HOMER2: variants seen among roughly 807,000 people sequenced by gnomAD.
The protein encoded by HOMER2 is homer protein homolog 2.
A neutral mutation model predicts 47.0 loss-of-function variants in HOMER2; 27 were observed. That is an observed-to-expected ratio of 0.57 (90% CI 0.42 to 0.79). HOMER2 has a LOEUF of 0.79. Among genes scored for constraint, HOMER2 ranks in the 30% least tolerant of loss-of-function variants. The pLI, the probability that HOMER2 is intolerant of heterozygous loss-of-function variation, is 0.00. For synonymous variants in HOMER2, 161 were observed against 163.8 expected (o/e 0.98, Z 0.13); for missense variants, 443 against 435.0 (o/e 1.02, Z -0.16).
upstream of HOMER2, among the ~76,000 whole-genome samples, chr15:82,956,745 G>C (rs1361004061): frequency 6.6e-6 from 1 of 152,216 alleles, no homozygotes; most frequent in African/African-American, 2.4e-5. Context: ...AATTACAGCT[G>C]TGCTATGAGT....
chr15:82,868,543 T>TATATATATATATA lies in HOMER2; in HGVS notation c.295-4285_295-4284insTATATATATATAT, dbSNP rs1567023464. On this transcript the variant is annotated intron_variant, in intron 3 of 8. Transcript: ENST00000450735. ...TTATTTTATATATATATATATATATTTTTTTTTTTTTTTTTCCCCTTTTGA... is the reference window on the plus strand; with the variant it reads ...TTATTTTATATATATATATATATATTATATATATATATATTTTTTTTTTTTTTTCCCCTTTTGA... Among the ~76,000 whole-genome samples the TATATATATATATA allele has an allele frequency of 9.6e-3, 353 of 36,730 alleles. 5 individuals carry two copies. The highest frequency in any genetic ancestry group is 0.035 in the East Asian group (54 of 1,546). 24.1% of individuals were successfully genotyped at this position (36,730 alleles called of 152,430 possible).
Position 82,893,754 on chromosome 15 carries a change from T to C in HOMER2, c.6-913A>G, listed in dbSNP as rs188895216. Among the ~76,000 whole-genome samples the C allele has an allele frequency of 2.8e-3, 419 of 151,910 alleles. 3 individuals are homozygous for C. The highest frequency in any genetic ancestry group is 9.6e-3 in the African/African-American group (397 of 41,420). On this transcript the variant is annotated intron_variant, in intron 1 of 8. Coordinates refer to ENST00000450735, the MANE Select transcript of HOMER2 (RefSeq NM_004839.4). Reference sequence around the variant, plus strand: ...ATTCTGCCTCAGCCTCCCAAGTAGCTAGGACTACAGGCACGTGACACCACA... The same window carrying C: ...ATTCTGCCTCAGCCTCCCAAGTAGCCAGGACTACAGGCACGTGACACCACA...
At position 82,952,611 on chromosome 15, in the gene HOMER2, G is replaced by C. The variant is rs1167107532; in HGVS notation, c.-76C>G. 9.2e-7 allele frequency: 1 copy of C among 1,091,752 alleles called. No homozygotes were observed. 67.6% of individuals were successfully genotyped at this position (1,091,752 alleles called of 1,614,324 possible). A position where few individuals can be genotyped will look rare whatever the true frequency, so the allele number is the denominator to read the frequency against. Reference sequence around the variant, plus strand: ...TCCGCCCGCTCGGCAGCCGCTCCCCGCGCGGCACATGCGGCGGCCCGTGCG... The same window carrying C: ...TCCGCCCGCTCGGCAGCCGCTCCCCCCGCGGCACATGCGGCGGCCCGTGCG... On this transcript the variant is annotated 5_prime_UTR_variant, in exon 1 of 9. Coordinates refer to ENST00000450735, the MANE Select transcript of HOMER2 (RefSeq NM_004839.4).
chr15:82,956,978 T>C (rs138634778), upstream of HOMER2, among the ~76,000 whole-genome samples: 521 of 152,214 alleles, frequency 3.4e-3, 8 homozygotes, highest in Admixed American at 0.027. Flanking sequence ...CTTTGGACTA[T>C]TAAGAAGAGT....
intron 1 of HOMER2, among the ~76,000 whole-genome samples, chr15:82,981,523 A>G (rs932026286): frequency 6.6e-5 from 10 of 152,392 alleles, no homozygotes; most frequent in African/African-American, 2.4e-4. Context: ...TGCACCCAAA[A>G]GAATAGAAAG....
intron 1 of HOMER2, among the ~76,000 whole-genome samples, chr15:82,903,679 G>GCCACACC (rs2053201277): frequency 1.3e-5 from 2 of 151,386 alleles, no homozygotes; most frequent in South Asian, 4.2e-4. Flanking sequence ...ACACACACAC[G>GCCACACC]CCACACCCCA....
chr15:82,946,336 C>T (rs1297160092), intron 1 of HOMER2, among the ~76,000 whole-genome samples: 1 of 152,204 alleles, frequency 6.6e-6, no homozygotes, highest in East Asian at 1.9e-4. Context: ...ATGGCATCTT[C>T]CCAAAGTAAA....
At chr15:82,937,421 T>C (rs1253189261) in intron 1 of HOMER2, among the ~76,000 whole-genome samples, 1 of 152,158 alleles carries the variant, frequency 6.6e-6, no homozygotes, top group African/African-American at 2.4e-5. Context: ...CCATATTCCC[T>C]GAGTTCCATG....
chr15:82,912,515 T>C (rs1028799196), intron 1 of HOMER2, among the ~76,000 whole-genome samples: 2 of 152,200 alleles, frequency 1.3e-5, no homozygotes, highest in African/African-American at 4.8e-5. Flanking sequence ...GTTGTTTCCA[T>C]CTTTTGGCTA....
At chr15:82,907,051 A>T (rs1163788427) in intron 1 of HOMER2, among the ~76,000 whole-genome samples, 1 of 152,168 alleles carries the variant, frequency 6.6e-6, no homozygotes, top group Non-Finnish European at 1.5e-5. Context: ...AACAGCCTTC[A>T]GTTAGAGATG....
chr15:82,869,137 C>A (rs2052093615), intron 3 of HOMER2, among the ~76,000 whole-genome samples: 1 of 152,192 alleles, frequency 6.6e-6, no homozygotes, highest in Admixed American at 6.5e-5. Context: ...CAGGAGCAGC[C>A]ACAGGGCTGT....
intron 1 of HOMER2, among the ~76,000 whole-genome samples, chr15:82,945,806 T>TA (rs1266067286): frequency 2.6e-5 from 4 of 152,016 alleles, no homozygotes; most frequent in African/African-American, 9.6e-5. Context: ...CCATCTCTAC[T>TA]AAAAATACAA....
At chr15:82,869,666 C>T (rs1366415399) in intron 3 of HOMER2, among the ~76,000 whole-genome samples, 1 of 151,940 alleles carries the variant, frequency 6.6e-6, no homozygotes, top group East Asian at 1.9e-4. Context: ...CAATGTTGGC[C>T]AGGCTGGTCT....
chr15:82,979,698 AG>A (rs1266654584), intron 1 of HOMER2, among the ~76,000 whole-genome samples: 2 of 152,200 alleles, frequency 1.3e-5, no homozygotes, highest in Non-Finnish European at 2.9e-5. Flanking sequence ...ATCTGGAGTA[AG>A]AGAGATGGAA....
At chr15:82,835,026 T>C (rs771246579), downstream of HOMER2, 2 of 152,202 alleles carry the variant, frequency 1.3e-5, no homozygotes, top group African/African-American at 2.4e-5. Context: ...TCACCCTCAC[T>C]CTGGTGATAT....
rs574594966 is a variant in HOMER2, at chr15:82,934,969, ACT to A, written c.5+17560_5+17561del. The stretch of plus-strand genomic sequence containing the variant: ...TGGAAAAGAAGAGCCACAGATGGGA[ACT>A]CTGTCTTCCCACCACACCAATCCCG... On this transcript the variant is annotated intron_variant, in intron 1 of 8. Coordinates refer to ENST00000450735, the MANE Select transcript of HOMER2 (RefSeq NM_004839.4). 2.4e-4 allele frequency among the ~76,000 whole-genome samples: 37 copies of A among 151,090 alleles called. 2 individuals carry two copies. In the South Asian group the frequency reaches 7.2e-3, roughly 29 times the overall value.
At chr15:82,858,458 A>G (rs1195018598) in intron 5 of HOMER2, among the ~76,000 whole-genome samples, 4 of 152,084 alleles carry the variant, frequency 2.6e-5, no homozygotes, top group African/African-American at 7.2e-5. Context: ...ATAGCTGGCT[A>G]GTTTTTAAAA....
chr15:82,975,533 AAAAG>A (rs1458488539), intron 1 of HOMER2, among the ~76,000 whole-genome samples: 2 of 152,362 alleles, frequency 1.3e-5, no homozygotes, highest in East Asian at 3.9e-4. Context: ...CAGCCGTAAA[AAAAG>A]AATGAGGTCC....
At chr15:82,969,769 C>G (rs1184323448) in intron 1 of HOMER2, among the ~76,000 whole-genome samples, 1 of 152,056 alleles carries the variant, frequency 6.6e-6, no homozygotes, top group Non-Finnish European at 1.5e-5. Flanking sequence ...AGGGAAGATG[C>G]AGGGATAGAA....
Sources: gnomAD v4.1 joint callset for allele counts (sites outside exome capture counted in the v4.1 genomes callset) on GRCh38, gnomAD v4.1.1 for gene constraint, MANE v1.5 for transcripts, NCBI Gene and HGNC (gene_info 2026-07-23, HGNC 2026-07-21) for gene names.